Variants in PRKAR1B observed in about 807,000 individuals in gnomAD.
PRKAR1B encodes cAMP-dependent protein kinase type I-beta regulatory subunit.
In PRKAR1B, 22 loss-of-function variants were observed where a neutral mutation model predicts 46.5. The ratio of observed to expected loss-of-function variants is 0.47; its 90% CI spans 0.34 to 0.68. The LOEUF is 0.68. Among genes scored for constraint, PRKAR1B ranks in the 30% least tolerant of loss-of-function variants. The pLI, the probability that PRKAR1B is intolerant of heterozygous loss-of-function variation, is 0.01. For missense variants in PRKAR1B, 445 were observed against 535.6 expected (o/e 0.83, Z 1.67); for synonymous variants, 259 against 217.7 (o/e 1.19, Z -1.67).
At chr7:617,376 C>T (rs1583309277) in intron 4 of PRKAR1B, among the ~76,000 whole-genome samples, 1 of 151,162 alleles carries the variant, frequency 6.6e-6, no homozygotes, top group East Asian at 1.9e-4. Context: ...AGCATCACAG[C>T]TCACTTCAGC....
At chr7:715,894 T>TTG (rs1364374063) in intron 1 of PRKAR1B, among the ~76,000 whole-genome samples, 1 of 152,020 alleles carries the variant, frequency 6.6e-6, no homozygotes, top group Non-Finnish European at 1.5e-5. Flanking sequence ...TTTTTGTATT[T>TTG]TTAGTAGAGA....
At chr7:683,535 A>G (rs1413586285) in intron 2 of PRKAR1B, among the ~76,000 whole-genome samples, 1 of 152,168 alleles carries the variant, frequency 6.6e-6, no homozygotes, top group East Asian at 1.9e-4. Flanking sequence ...ACCTCCAGTA[A>G]ACAAATGACT....
intron 1 of PRKAR1B, among the ~76,000 whole-genome samples, chr7:713,447 T>TACA (rs1780761010): frequency 6.7e-6 from 1 of 148,968 alleles, no homozygotes; most frequent in South Asian, 2.1e-4. Context: ...TCTTCACCTG[T>TACA]CTCCCACTCA....
At chr7:606,417 C>G (rs1782056672) in intron 5 of PRKAR1B, among the ~76,000 whole-genome samples, 178 bp from the exon 6 acceptor site, 1 of 152,184 alleles carries the variant, frequency 6.6e-6, no homozygotes, top group Non-Finnish European at 1.5e-5. Flanking sequence ...TGTTAAAGAG[C>G]CTGTTCTTAA....
chr7:694,127 A>C (rs141281964), intron 2 of PRKAR1B, among the ~76,000 whole-genome samples: 6 of 152,152 alleles, frequency 3.9e-5, no homozygotes, highest in African/African-American at 1.2e-4. Flanking sequence ...TACTAAAAAT[A>C]CAAAAAAATT....
chr7:670,507 G>A (rs1786178708), intron 4 of PRKAR1B, among the ~76,000 whole-genome samples: 1 of 147,816 alleles, frequency 6.8e-6, no homozygotes, highest in Non-Finnish European at 1.5e-5. Flanking sequence ...AGGGGCTCAG[G>A]ACCGAGGACG....
intron 4 of PRKAR1B, among the ~76,000 whole-genome samples, chr7:676,592 G>A (rs549247048): frequency 2.6e-5 from 4 of 152,346 alleles, no homozygotes; most frequent in Admixed American, 6.5e-5. Context: ...GAAGGCAGCC[G>A]GGCCTTCCCA....
intron 4 of PRKAR1B, among the ~76,000 whole-genome samples, chr7:671,104 C>T (rs1786229170): frequency 6.6e-6 from 1 of 152,230 alleles, no homozygotes; most frequent in Non-Finnish European, 1.5e-5. Context: ...CCTCCTTCTT[C>T]CTCAGGTTGA....
At position 711,315 on chromosome 7, in the gene PRKAR1B, C is replaced by A. The variant is rs74497715; in HGVS notation, c.177+14G>T. The A allele has an allele frequency of 6.3e-5, 101 of 1,613,386 alleles. No homozygotes were observed. The highest frequency in any genetic ancestry group is 8.3e-5 in the Non-Finnish European group (98 of 1,179,626). On this transcript the variant is annotated intron_variant, in intron 2 of 10. Coordinates refer to ENST00000537384, the MANE Select transcript of PRKAR1B (RefSeq NM_001164760.2). Reference sequence around the variant, plus strand: ...ACGTGCGAAGGGAAGCAGCGGGCGGCGGGGGCCACTCACCTTCTCCAGCTT... The same window carrying A: ...ACGTGCGAAGGGAAGCAGCGGGCGGAGGGGGCCACTCACCTTCTCCAGCTT...
In PRKAR1B at chr7:593,581, G is replaced by A. The variant is rs1269988914; in HGVS notation, c.708+2565C>T. Among the ~76,000 whole-genome samples the A allele has an allele frequency of 2.0e-5, 3 of 152,160 alleles. No individual in the cohort carries two copies. Among genetic ancestry groups the A allele is most frequent in the Admixed American group, 1.3e-4 (2 of 15,270 alleles). Reference sequence around the variant, plus strand: ...GTGGGGAAACGGCTTATGCAACGCCGGGCCAGGTGCGCCCAGAGGAGATGG... The same window carrying A: ...GTGGGGAAACGGCTTATGCAACGCCAGGCCAGGTGCGCCCAGAGGAGATGG... On this transcript the variant is annotated intron_variant, in intron 7 of 10. Transcript: ENST00000537384. The surrounding 1 kb of genome is among the most constrained non-coding windows in gnomAD (Gnocchi z 6.1).
At chr7:728,483 G>C (rs1050349968), upstream of PRKAR1B, among the ~76,000 whole-genome samples, 3 of 152,224 alleles carry the variant, frequency 2.0e-5, no homozygotes, top group African/African-American at 7.2e-5. Flanking sequence ...GCTGGACTTG[G>C]GGAAATGCCG....
intron 4 of PRKAR1B, among the ~76,000 whole-genome samples, chr7:615,848 C>A (rs1222883693): frequency 2.2e-3 from 169 of 75,204 alleles, no homozygotes; most frequent in South Asian, 4.1e-3. Flanking sequence ...AAAAAGAAAG[C>A]AAGAAAGGAA....
intron 2 of PRKAR1B, among the ~76,000 whole-genome samples, chr7:710,139 C>T (rs1780542055): frequency 6.6e-6 from 1 of 152,186 alleles, no homozygotes; most frequent in African/African-American, 2.4e-5. Context: ...TATGTGATCA[C>T]AGGAGGCCCC....
Position 577,416 on chromosome 7 carries a change from G to A in PRKAR1B, c.891+1840C>T, listed in dbSNP as rs111512054. The stretch of plus-strand genomic sequence containing the variant: ...CCGATGACAGGTACAGAGTTGGGGC[G>A]TGTGCTTAGGGAGCATGCAAGCGTG... On this transcript the variant is annotated intron_variant, in intron 9 of 10. Transcript: ENST00000537384. Among the ~76,000 whole-genome samples, 195 of 152,288 alleles carry A rather than the reference G, an allele frequency of 1.3e-3. 1 individual carries two copies. Among genetic ancestry groups the A allele is most frequent in the African/African-American group, 4.3e-3 (179 of 41,560 alleles).
intron 4 of PRKAR1B, among the ~76,000 whole-genome samples, chr7:641,924 G>C (rs1337206557): frequency 6.6e-6 from 1 of 151,546 alleles, no homozygotes; most frequent in Admixed American, 6.6e-5. Context: ...CTTTTTTTGA[G>C]ACAGGGTCTC....
intron 4 of PRKAR1B, among the ~76,000 whole-genome samples, chr7:623,641 T>C (rs1375373952): frequency 6.6e-6 from 1 of 152,182 alleles, no homozygotes; most frequent in Non-Finnish European, 1.5e-5. Context: ...TCATTTTCCA[T>C]CCACTGCCAC....
intron 2 of PRKAR1B, among the ~76,000 whole-genome samples, chr7:695,485 T>C (rs575421728): frequency 6.6e-6 from 1 of 152,236 alleles, no homozygotes; most frequent in South Asian, 2.1e-4. Flanking sequence ...TGAAGCGCCA[T>C]CTGAATTACG....
Position 680,556 on chromosome 7 carries a change from C to A in PRKAR1B, c.348G>T (p.Lys116Asn), listed in dbSNP as rs746639938. ...GAACCCCGTGACCCGTGAGCCTCAC[C>A]TTCCTGACGTAGGACACGGCGTCCT... is the stretch of plus-strand genomic sequence containing the variant. ...TEEDAVSYVRKVIPKDYKTMT... is the reference protein window; with the variant it reads ...TEEDAVSYVRNVIPKDYKTMT... The change falls in exon 3 of 11, where the codon AAG becomes AAT. Residue 116 changes from lysine (K) to asparagine (N), a missense_variant and splice_region_variant. By Grantham distance (94) the Lys-to-Asn change is moderately conservative. Around this residue, in one of 5 missense-constraint regions of PRKAR1B, gnomAD observed 94 missense variants for 126.9 expected, o/e 0.74. Transcript: ENST00000537384. 6.2e-7 allele frequency: 1 copy of A among 1,608,308 alleles called. No individual in the cohort carries two copies. Among genetic ancestry groups the A allele is most frequent in the South Asian group, 1.1e-5 (1 of 90,816 alleles).
At chr7:620,292 G>A (rs532549383) in intron 4 of PRKAR1B, among the ~76,000 whole-genome samples, 45 of 152,246 alleles carry the variant, frequency 3.0e-4, no homozygotes, top group Non-Finnish European at 4.3e-4. Context: ...AATACAGACC[G>A]CCTCTCCCTA....
Sources: gnomAD v4.1 joint callset for allele counts (sites outside exome capture counted in the v4.1 genomes callset) on GRCh38, gnomAD v4.1.1 for gene constraint, gnomAD v4.1.1 regional missense constraint, Gnocchi (gnomAD v3.1) non-coding constraint, MANE v1.5 for transcripts, NCBI Gene and HGNC (gene_info 2026-07-23, HGNC 2026-07-21) for gene names.